The following CNTNAP2 variants were observed in gnomAD, a reference collection of about 807,000 sequenced individuals.
CNTNAP2 encodes the protein contactin associated protein 2.
In CNTNAP2, 98 loss-of-function variants were observed where a neutral mutation model predicts 155.2. The ratio of observed to expected loss-of-function variants is 0.63; its 90% CI spans 0.54 to 0.75. The LOEUF (loss-of-function observed/expected upper bound fraction) is 0.75, where lower values mean the gene tolerates loss of function less well. Ranked by LOEUF, CNTNAP2 falls within the 30% of genes least tolerant of loss-of-function variation. The pLI, the probability that CNTNAP2 is intolerant of heterozygous loss-of-function variation, is 0.00. For missense variants in CNTNAP2, 1,727 were observed against 1,688.1 expected, an observed-to-expected ratio of 1.02 and a Z score of -0.40; for synonymous variants, 651 against 631.2, an observed-to-expected ratio of 1.03 and a Z score of -0.47.
intron 22 of CNTNAP2, among the ~76,000 whole-genome samples, chr7:148,393,146 TAAC>T (rs1799390401): frequency 6.6e-6 from 1 of 152,238 alleles, no homozygotes; most frequent in Non-Finnish European, 1.5e-5. Context: ...GTTTTCTACC[TAAC>T]TACAAGCTGA....
At chr7:146,748,440 C>T (rs10275588) in intron 1 of CNTNAP2, among the ~76,000 whole-genome samples, 2,336 of 152,122 alleles carry the variant, frequency 0.015, 53 homozygotes, top group African/African-American at 0.053. Context: ...CCACCGCGCC[C>T]GGCCCCAAAT....
intron 13 of CNTNAP2, among the ~76,000 whole-genome samples, chr7:147,829,958 C>T (rs776258925): frequency 3.9e-5 from 6 of 151,980 alleles, no homozygotes; most frequent in Non-Finnish European, 8.8e-5. Flanking sequence ...CTGCTTACCC[C>T]GAGAAGGTCT....
chr7:148,399,435 T>C (rs1585343577), intron 22 of CNTNAP2, among the ~76,000 whole-genome samples: 1 of 152,278 alleles, frequency 6.6e-6, no homozygotes, highest in East Asian at 1.9e-4. Flanking sequence ...AATTTTAAAA[T>C]GCATCTGTTC....
chr7:147,183,478 G>T (rs1802507340), intron 8 of CNTNAP2, among the ~76,000 whole-genome samples: 1 of 152,108 alleles, frequency 6.6e-6, no homozygotes, highest in South Asian at 2.1e-4. Context: ...TGACACAGAT[G>T]GCCAATCTGT....
At chr7:146,969,068 A>G (rs1247848486) in intron 3 of CNTNAP2, among the ~76,000 whole-genome samples, 1 of 149,552 alleles carries the variant, frequency 6.7e-6, no homozygotes, top group African/African-American at 2.5e-5. Flanking sequence ...TTCGTTATGT[A>G]CCCAGTAGTC....
intron 22 of CNTNAP2, among the ~76,000 whole-genome samples, chr7:148,403,269 A>G (rs1447251354): frequency 6.6e-6 from 1 of 151,704 alleles, no homozygotes; most frequent in Non-Finnish European, 1.5e-5. Context: ...CAATGGAAAC[A>G]TGGTCTACAA....
chr7:146,882,902 C>CTGCTGAAAGAAATCAGAGA (rs1394323412), intron 3 of CNTNAP2, among the ~76,000 whole-genome samples: 1 of 152,132 alleles, frequency 6.6e-6, no homozygotes, highest in Non-Finnish European at 1.5e-5. Flanking sequence ...CCATAAAACA[C>CTGCTGAAAGAAATCAGAGA]TGCTGAAAGA....
At chr7:147,167,508 AC>A in intron 8 of CNTNAP2, 1 of 848,848 alleles carries the variant, frequency 1.2e-6, no homozygotes, top group Non-Finnish European at 1.9e-6. Context: ...CCCAGCTTTG[AC>A]AGAGCATTAT....
At chr7:146,735,123 C>T (rs1801589296) in intron 1 of CNTNAP2, among the ~76,000 whole-genome samples, 1 of 151,986 alleles carries the variant, frequency 6.6e-6, no homozygotes, top group Admixed American at 6.6e-5. Flanking sequence ...ATTAACAATC[C>T]GGTATTATAC....
At chr7:146,824,575 C>T (rs1268496782) in intron 2 of CNTNAP2, among the ~76,000 whole-genome samples, 3 of 152,110 alleles carry the variant, frequency 2.0e-5, no homozygotes, top group Non-Finnish European at 4.4e-5. Context: ...TTAATGATTG[C>T]CATTCTAACT....
intron 8 of CNTNAP2, among the ~76,000 whole-genome samples, chr7:147,260,525 G>A (rs778205783): frequency 1.3e-5 from 2 of 152,128 alleles, no homozygotes; most frequent in Admixed American, 6.6e-5. Flanking sequence ...ATTATAGTAT[G>A]CATGAGATGA....
chr7:148,052,308 T>G (rs1802908067), intron 15 of CNTNAP2, among the ~76,000 whole-genome samples: 3 of 147,554 alleles, frequency 2.0e-5, no homozygotes, highest in Admixed American at 2.0e-4. Context: ...TAATATGTTT[T>G]TAAAAACTTT....
At chr7:147,884,623 G>T (rs1210016822) in intron 13 of CNTNAP2, among the ~76,000 whole-genome samples, 1 of 152,148 alleles carries the variant, frequency 6.6e-6, no homozygotes, top group Admixed American at 6.5e-5. Context: ...AATGTATTCT[G>T]TGTCTTTCCT....
intron 3 of CNTNAP2, among the ~76,000 whole-genome samples, chr7:146,908,899 C>G: frequency 6.7e-6 from 1 of 148,196 alleles, no homozygotes; most frequent in Non-Finnish European, 1.5e-5. Flanking sequence ...AATTGATAGA[C>G]CACTAGCAAG....
At chr7:146,808,478 C>A (rs989951329) in intron 2 of CNTNAP2, among the ~76,000 whole-genome samples, 1 of 152,138 alleles carries the variant, frequency 6.6e-6, no homozygotes, top group South Asian at 2.1e-4. Flanking sequence ...TTGCTCACTT[C>A]TGACTTTGTA....
chr7:146,224,712 T>A (rs940352001), intron 1 of CNTNAP2, among the ~76,000 whole-genome samples: 2 of 152,058 alleles, frequency 1.3e-5, no homozygotes, highest in African/African-American at 4.8e-5. Flanking sequence ...GAGCTTGCAG[T>A]GAGCTGAGAT....
chr7:146,814,939 T>C (rs73459325), intron 2 of CNTNAP2, among the ~76,000 whole-genome samples: 7,361 of 152,234 alleles, frequency 0.048, 522 homozygotes, highest in African/African-American at 0.16. Flanking sequence ...ATAATAGTTA[T>C]TGAGAAAAGG....
chr7:147,445,255 G>A (rs1441620292), intron 10 of CNTNAP2, among the ~76,000 whole-genome samples: 1 of 152,154 alleles, frequency 6.6e-6, no homozygotes, highest in Non-Finnish European at 1.5e-5. Flanking sequence ...TATAACAGAT[G>A]GTGGTGCTTC....
chr7:147,735,168 A>C (rs562159320), intron 13 of CNTNAP2, among the ~76,000 whole-genome samples: 1 of 152,152 alleles, frequency 6.6e-6, no homozygotes, highest in East Asian at 1.9e-4. Context: ...TAGTGCTATA[A>C]ATTTCCCTCT....
Sources: allele counts gnomAD v4.1 joint callset (sites outside exome capture counted in the v4.1 genomes callset), GRCh38; gene constraint gnomAD v4.1.1; transcripts MANE v1.5; gene names NCBI Gene and HGNC (gene_info 2026-07-23, HGNC 2026-07-21).